TNFSF10: variants seen among roughly 807,000 people sequenced by gnomAD.
TNFSF10 encodes the protein TNF superfamily member 10.
In TNFSF10, 13 loss-of-function variants were observed where a neutral mutation model predicts 29.5. The observed-to-expected ratio is 0.44, with a 90% confidence interval of 0.29 to 0.70. The LOEUF (loss-of-function observed/expected upper bound fraction) is 0.70. Ranked by LOEUF, TNFSF10 falls within the 30% of genes least tolerant of loss-of-function variation. The probability of loss-of-function intolerance (pLI) is 0.13; values close to 1 mark genes in which losing one functional copy is unlikely to be tolerated. For missense variants in TNFSF10, 345 were observed against 330.9 expected, an observed-to-expected ratio of 1.04 and a Z score of -0.33; for synonymous variants, 111 against 112.8, an observed-to-expected ratio of 0.98 and a Z score of 0.10.
intron 4 of TNFSF10, among the ~76,000 whole-genome samples, chr3:172,507,829 T>G (rs1036782679): frequency 2.0e-5 from 3 of 152,200 alleles, no homozygotes; most frequent in African/African-American, 7.2e-5. Flanking sequence ...TGAAATATTT[T>G]TAGACAAATT....
chr3:172,512,580 G>A (rs1713269900), intron 2 of TNFSF10, among the ~76,000 whole-genome samples: 1 of 152,202 alleles, frequency 6.6e-6, no homozygotes, highest in African/African-American at 2.4e-5. Flanking sequence ...GGGAGTGGTG[G>A]CGGTGGACTG....
chr3:172,509,297 A>G lies in TNFSF10; in HGVS notation c.338T>C (p.Leu113Pro). The G allele has an allele frequency of 6.2e-7, 1 of 1,613,650 alleles. No individual in the cohort carries two copies. The highest frequency in any genetic ancestry group is 1.1e-5 in the South Asian group (1 of 91,008). The change falls in exon 4 of 5, where the codon CTA becomes CCA. Residue 113 changes from leucine to proline, a missense_variant. Coordinates refer to ENST00000241261, the MANE Select transcript of TNFSF10 (RefSeq NM_003810.4). ...VQEKQQNISP[L>P]VRERGPQRVA... Reference sequence around the variant, plus strand: ...TCTCTGAGGACCTCTTTCTCTCACTAGGGGAGAAATATTTTGTTGCTTTTC... The same window carrying G: ...TCTCTGAGGACCTCTTTCTCTCACTGGGGGAGAAATATTTTGTTGCTTTTC...
rs1004669820 is a variant in TNFSF10, at chr3:172,522,208, T to TA, written c.132+1044dup. 4.0e-4 allele frequency: 173 copies of TA among 432,034 alleles called. 1 individual carries two copies. The Middle Eastern group carries it at 9.4e-3, about 23-fold the overall frequency. 26.8% of individuals were successfully genotyped at this position (432,034 alleles called of 1,614,324 possible). A position where few individuals can be genotyped will look rare whatever the true frequency, so the allele number is the denominator to read the frequency against. On this transcript the variant is annotated intron_variant, in intron 1 of 4. Transcript: ENST00000241261. ...ACGTATCCCAGAACTTAAAGTAAAA[T>TA]AAAAAAATTTAAAAATAAAGAAATC...
intron 1 of TNFSF10, among the ~76,000 whole-genome samples, chr3:172,515,945 A>G (rs1168670132): frequency 1.3e-5 from 2 of 152,100 alleles, no homozygotes; most frequent in Non-Finnish European, 2.9e-5. Context: ...AGTGGGATGG[A>G]AGAGACGTTA....
At chr3:172,523,162 C>A in intron 1 of TNFSF10, 91 bp downstream of exon 1, 1 of 1,448,570 alleles carries the variant, frequency 6.9e-7, no homozygotes, top group Non-Finnish European at 9.3e-7. Context: ...GCAGGAAAGT[C>A]TTCAGAGAGG....
intron 1 of TNFSF10, among the ~76,000 whole-genome samples, chr3:172,515,447 A>G (rs1713389444): frequency 6.6e-6 from 1 of 152,074 alleles, no homozygotes; most frequent in Admixed American, 6.6e-5. Flanking sequence ...ACATTTTAGG[A>G]TCCTAAATAA....
intron 3 of TNFSF10, among the ~76,000 whole-genome samples, chr3:172,511,137 C>G (rs557714999): frequency 6.6e-6 from 1 of 152,118 alleles, no homozygotes; most frequent in East Asian, 1.9e-4. Flanking sequence ...CAGGTGGAGA[C>G]CGCAGGATGA....
Position 172,509,209 on chromosome 3 carries a change from TCTCTTA to T in TNFSF10, c.418+2_418+7del. The T allele has an allele frequency of 6.2e-7, 1 of 1,608,824 alleles. No homozygotes were observed. Among genetic ancestry groups the T allele is most frequent in the Non-Finnish European group, 8.5e-7 (1 of 1,177,094 alleles). ...TCCCTTAAGTCACTTATTTGTTGTT[TCTCTTA>T]CTTGGAGAAGACAATGTGTTGCTTC... On this transcript the variant is annotated splice_donor_variant and splice_donor_5th_base_variant and intron_variant, in intron 4 of 4. Transcript: ENST00000241261. LOFTEE classifies it high-confidence loss of function.
intron 2 of TNFSF10, among the ~76,000 whole-genome samples, chr3:172,514,264 T>C (rs1713344544): frequency 6.6e-6 from 1 of 152,270 alleles, no homozygotes; most frequent in Non-Finnish European, 1.5e-5. Flanking sequence ...CTGGAGGTCC[T>C]GTTTAAGCAA....
chr3:172,509,503 T>C (rs147240852), intron 3 of TNFSF10, among the ~76,000 whole-genome samples, 182 bp from the exon 4 acceptor site: 1 of 152,334 alleles, frequency 6.6e-6, no homozygotes, highest in African/African-American at 2.4e-5. Flanking sequence ...TATGATCAAC[T>C]TGAAAAGTAC....
intron 1 of TNFSF10, chr3:172,518,296 T>C (rs1713526054): frequency 8.4e-7 from 1 of 1,183,972 alleles, no homozygotes; most frequent in Non-Finnish European, 1.1e-6. Context: ...ATTTCCATGG[T>C]GACTGCTCTT....
intron 1 of TNFSF10, among the ~76,000 whole-genome samples, chr3:172,515,547 C>A (rs1011042410): frequency 6.6e-6 from 1 of 152,160 alleles, no homozygotes; most frequent in African/African-American, 2.4e-5. Flanking sequence ...GATTTCTACT[C>A]CTCTGGCTGG....
At chr3:172,517,509 A>C in intron 1 of TNFSF10, 1 of 985,296 alleles carries the variant, frequency 1.0e-6, no homozygotes, top group Non-Finnish European at 1.2e-6. Context: ...ACACTTTTCT[A>C]AAAGAAAAAA....
rs185041250 is a variant in TNFSF10 at position 172,518,763 on chromosome 3, T to A, written c.133-3765A>T. The stretch of plus-strand genomic sequence containing the variant: ...AGACAAAGTGGAGCCTGTATTCAAT[T>A]TTAAGAAATTAATACTTATGTTGAA... On this transcript the variant is annotated intron_variant, in intron 1 of 4. Coordinates refer to ENST00000241261, the MANE Select transcript of TNFSF10 (RefSeq NM_003810.4). 2.0e-5 allele frequency among the ~76,000 whole-genome samples: 3 copies of A among 152,362 alleles called. No homozygotes were observed. In the East Asian group the frequency reaches 5.8e-4, roughly 29 times the overall value.
At position 172,506,750 on chromosome 3, in the gene TNFSF10, T is replaced by C; in HGVS notation, c.588A>G (p.Ile196Met). The C allele has an allele frequency of 1.2e-6, 2 of 1,614,122 alleles. No homozygotes were observed. The highest frequency in any genetic ancestry group is 4.5e-5 in the East Asian group (2 of 44,892). Reference sequence around the variant, plus strand: ...GTTTGTCGTTCTTTGTGTTTTCTTTTATTTCCTCCTGAAATCGAAAGTATG... The same window carrying C: ...GTTTGTCGTTCTTTGTGTTTTCTTTCATTTCCTCCTGAAATCGAAAGTATG... ...SQTYFRFQEEIKENTKNDKQM... is the reference protein window; with the variant it reads ...SQTYFRFQEEMKENTKNDKQM... The change falls in exon 5 of 5, where the codon ATA (isoleucine) becomes ATG (methionine). Residue 196 changes from isoleucine (I) to methionine (M), a missense_variant. Transcript: ENST00000241261.
chr3:172,518,940 T>TA (rs3216506), intron 1 of TNFSF10, among the ~76,000 whole-genome samples: 81,328 of 151,716 alleles, frequency 0.54, 23,680 homozygotes, highest in East Asian at 0.72. Context: ...AAATGTATTG[T>TA]AAAAAAAAGT....
At chr3:172,515,199 A>G (rs886259082) in intron 1 of TNFSF10, among the ~76,000 whole-genome samples, 3 of 151,362 alleles carry the variant, frequency 2.0e-5, no homozygotes, top group African/African-American at 4.9e-5. Context: ...GCAGCTGGAT[A>G]TGGTGGAAAG....
chr3:172,509,851 C>T (rs1013610695), intron 3 of TNFSF10, among the ~76,000 whole-genome samples: 12 of 151,718 alleles, frequency 7.9e-5, no homozygotes, highest in East Asian at 5.8e-4. Flanking sequence ...TGGTGGCAGG[C>T]ACCTATAGTC....
At chr3:172,509,143 C>G in intron 4 of TNFSF10, 74 bp downstream of exon 4, 1 of 1,281,424 alleles carries the variant, frequency 7.8e-7, no homozygotes, top group Non-Finnish European at 1.1e-6. Flanking sequence ...AGATAAAATT[C>G]TTTAAAAAAT....
Sources: allele counts gnomAD v4.1 joint callset (sites outside exome capture counted in the v4.1 genomes callset), GRCh38; gene constraint gnomAD v4.1.1; transcripts MANE v1.5; gene names NCBI Gene and HGNC (gene_info 2026-07-23, HGNC 2026-07-21).